DSCAML1: variants seen among roughly 807,000 people sequenced by gnomAD.
DSCAML1 encodes cell adhesion molecule DSCAML1.
DSCAML1 carries 38 observed loss-of-function variants against 200.5 expected under a neutral mutation model. That is an observed-to-expected ratio of 0.19 (90% confidence interval 0.15 to 0.25). The LOEUF is 0.25. Ranked by LOEUF, DSCAML1 falls within the 10% of genes least tolerant of loss-of-function variation. DSCAML1 has a pLI of 1.00. For missense variants in DSCAML1, 2,223 were observed against 2,858.8 expected (o/e 0.78, Z 5.07); for synonymous variants, 1,215 against 1,165.0 (o/e 1.04, Z -0.87).
chr11:117,478,329 G>A (rs1436535512), intron 14 of DSCAML1, among the ~76,000 whole-genome samples: 1 of 152,176 alleles, frequency 6.6e-6, no homozygotes, highest in Non-Finnish European at 1.5e-5. Flanking sequence ...GGCGGTGTGT[G>A]CAGTGCCATG....
intron 3 of DSCAML1, among the ~76,000 whole-genome samples, chr11:117,536,285 G>A (rs555930596): frequency 6.6e-6 from 1 of 152,270 alleles, no homozygotes; most frequent in Non-Finnish European, 1.5e-5. Context: ...AGCGGAGGGA[G>A]GCCCGGCCCG....
chr11:117,805,856 C>T (rs2055703608), intron 1 of DSCAML1, among the ~76,000 whole-genome samples: 1 of 152,188 alleles, frequency 6.6e-6, no homozygotes, highest in Admixed American at 6.5e-5. Flanking sequence ...CACAGGGAAG[C>T]CTACATGCTC....
chr11:117,461,643 T>A, intron 17 of DSCAML1, 47 bp from the exon 18 acceptor site: 1 of 1,567,252 alleles, frequency 6.4e-7, no homozygotes, highest in Non-Finnish European at 8.7e-7. Context: ...GTCATGGATG[T>A]GAGTGACAGT....
intron 3 of DSCAML1, among the ~76,000 whole-genome samples, chr11:117,629,108 T>C (rs928318014): frequency 6.6e-6 from 1 of 151,962 alleles, no homozygotes; most frequent in Non-Finnish European, 1.5e-5. Context: ...AAGTTAGAAA[T>C]GGCATATTGA....
At chr11:117,690,541 G>A (rs114797458) in intron 3 of DSCAML1, among the ~76,000 whole-genome samples, 1,965 of 152,350 alleles carry the variant, frequency 0.013, 17 homozygotes, top group Middle Eastern at 0.031. Context: ...GGAAGGATTA[G>A]GGATCACCAA....
intron 3 of DSCAML1, among the ~76,000 whole-genome samples, chr11:117,694,465 G>A (rs541213758): frequency 1.3e-4 from 19 of 151,892 alleles, no homozygotes; most frequent in Admixed American, 3.3e-4. Context: ...TGTTCTGTTC[G>A]TGTCTCAAAA....
chr11:117,816,139 G>T (rs960289822), intron 1 of DSCAML1, among the ~76,000 whole-genome samples: 1 of 152,190 alleles, frequency 6.6e-6, no homozygotes, highest in Non-Finnish European at 1.5e-5. Context: ...GGCAAACTAT[G>T]AAGTGTCCCC....
chr11:117,521,571 G>A (rs141410138), intron 5 of DSCAML1, among the ~76,000 whole-genome samples, 166 bp from the exon 6 acceptor site: 7 of 152,296 alleles, frequency 4.6e-5, no homozygotes, highest in African/African-American at 1.7e-4. Context: ...CCTTACTCTA[G>A]TCCTCAGTTT....
chr11:117,707,461 T>G (rs2053776103), intron 3 of DSCAML1, among the ~76,000 whole-genome samples: 1 of 152,142 alleles, frequency 6.6e-6, no homozygotes, highest in Admixed American at 6.5e-5. Flanking sequence ...GTCAGCCCAT[T>G]TAGCCCACCA....
At position 117,528,885 on chromosome 11, in the gene DSCAML1, G is replaced by A. The variant is rs967342710; in HGVS notation, c.658+3491C>T. On this transcript the variant is annotated intron_variant, in intron 4 of 32. Transcript: ENST00000651296. Reference sequence around the variant, plus strand: ...GGAGGCACAGACTATTCTTGCAACTGCCTCTGCAACTTGGAAAATACAGAA... The same window carrying A: ...GGAGGCACAGACTATTCTTGCAACTACCTCTGCAACTTGGAAAATACAGAA... 8.2e-4 allele frequency among the ~76,000 whole-genome samples: 124 copies of A among 152,116 alleles called. 1 individual carries two copies. Among genetic ancestry groups the A allele is most frequent in the Non-Finnish European group, 2.8e-4 (19 of 68,038 alleles).
chr11:117,798,076 A>G (rs912040260), upstream of DSCAML1, among the ~76,000 whole-genome samples: 1 of 152,234 alleles, frequency 6.6e-6, no homozygotes, highest in Non-Finnish European at 1.5e-5. Flanking sequence ...TAAAAGGTCA[A>G]TATGGTTGGA....
chr11:117,553,143 C>T (rs979046356), intron 3 of DSCAML1, among the ~76,000 whole-genome samples: 2 of 152,204 alleles, frequency 1.3e-5, no homozygotes, highest in East Asian at 1.9e-4. Flanking sequence ...CACAATGGAT[C>T]GAAGGCCTGA....
chr11:117,525,154 G>A, intron 4 of DSCAML1, 71 bp from the exon 5 acceptor site: 2 of 1,455,564 alleles, frequency 1.4e-6, no homozygotes, highest in Non-Finnish European at 1.8e-6. Flanking sequence ...GGGAGGGAAG[G>A]CAAGCACCCA....
At chr11:117,659,401 G>C (rs539060339) in intron 3 of DSCAML1, among the ~76,000 whole-genome samples, 1 of 152,362 alleles carries the variant, frequency 6.6e-6, no homozygotes, top group South Asian at 2.1e-4. Flanking sequence ...GCCAAAAGAG[G>C]TTAAGTGCCC....
chr11:117,539,468 C>A (rs2050224892), intron 3 of DSCAML1, among the ~76,000 whole-genome samples: 1 of 151,696 alleles, frequency 6.6e-6, no homozygotes, highest in Admixed American at 6.6e-5. Context: ...ACTAGCCGGG[C>A]CTGGTGGTGG....
At chr11:117,754,303 A>G (rs1185020833) in intron 3 of DSCAML1, among the ~76,000 whole-genome samples, 2 of 152,210 alleles carry the variant, frequency 1.3e-5, no homozygotes, top group Non-Finnish European at 2.9e-5. Flanking sequence ...GAATTAATTC[A>G]ACTCACTGCT....
At position 117,480,115 on chromosome 11, in the gene DSCAML1, G is replaced by C. The variant is rs2048880516; in HGVS notation, c.2785+328C>G. Among the ~76,000 whole-genome samples the C allele has an allele frequency of 6.6e-6, 1 of 152,192 alleles. No homozygotes were observed. The highest frequency in any genetic ancestry group is 2.4e-5 in the African/African-American group (1 of 41,458). On this transcript the variant is annotated intron_variant, in intron 14 of 32. Coordinates refer to ENST00000651296, the MANE Select transcript of DSCAML1 (RefSeq NM_020693.4). This position sits in a 1 kb window ranked among gnomAD's most constrained non-coding sequence, Gnocchi z 4.1. ...CAAACCCGTGATGCTTCTGATGCCA[G>C]AGACAGCCCACAGCCCTGGGTTCAG...
intron 3 of DSCAML1, among the ~76,000 whole-genome samples, chr11:117,582,283 T>C (rs1565805074): frequency 6.6e-6 from 1 of 152,212 alleles, no homozygotes; most frequent in Non-Finnish European, 1.5e-5. Flanking sequence ...CCCACAAAAC[T>C]GTTCTCTATT....
intron 3 of DSCAML1, among the ~76,000 whole-genome samples, chr11:117,704,459 A>G (rs553967105): frequency 6.6e-6 from 1 of 152,212 alleles, no homozygotes; most frequent in Admixed American, 6.5e-5. Flanking sequence ...ATTAAAAAAA[A>G]TTATTTTAGA....
Sources: allele counts gnomAD v4.1 joint callset (sites outside exome capture counted in the v4.1 genomes callset), GRCh38; gene constraint gnomAD v4.1.1; non-coding constraint Gnocchi (gnomAD v3.1); transcripts MANE v1.5; gene names NCBI Gene and HGNC (gene_info 2026-07-23, HGNC 2026-07-21).